The following NPHP1 variants were observed in gnomAD, a reference collection of about 807,000 sequenced individuals.
NPHP1 encodes the protein nephrocystin 1.
In NPHP1, 70 loss-of-function variants were observed where a neutral mutation model predicts 90.4. The ratio of observed to expected loss-of-function variants is 0.77; its 90% CI spans 0.64 to 0.95. The LOEUF (loss-of-function observed/expected upper bound fraction) is 0.95, where lower values mean the gene tolerates loss of function less well. NPHP1 is among the 40% of genes least tolerant of loss of function. NPHP1 has a pLI of 0.00. For missense variants in NPHP1, 764 were observed against 795.9 expected (o/e 0.96, Z 0.48); for synonymous variants, 256 against 271.7 (o/e 0.94, Z 0.57).
Position 110,193,154 on chromosome 2 carries a change from C to T in NPHP1, c.143+8267G>A, listed in dbSNP as rs946334315. Among the ~76,000 whole-genome samples, 51 of 152,156 alleles carry T rather than the reference C, an allele frequency of 3.4e-4. 1 individual carries two copies. The highest frequency in any genetic ancestry group is 7.1e-4 in the Non-Finnish European group (48 of 68,018). ...ATGACAGGATCAAATTCACACATGACAATATTAACCTTAAATGTAAATGGG... is the reference window on the plus strand; with the variant it reads ...ATGACAGGATCAAATTCACACATGATAATATTAACCTTAAATGTAAATGGG... On this transcript the variant is annotated intron_variant, in intron 2 of 19. Coordinates refer to ENST00000445609, the MANE Select transcript of NPHP1 (RefSeq NM_001128178.3).
intron 2 of NPHP1, among the ~76,000 whole-genome samples, chr2:110,197,090 G>A (rs530667028): frequency 6.6e-6 from 1 of 152,174 alleles, no homozygotes; most frequent in African/African-American, 2.4e-5. Flanking sequence ...GAGAACACAT[G>A]GACACAAGGA....
intron 15 of NPHP1, chr2:110,143,983 CCAAA>C (rs1288028765): frequency 2.6e-5 from 9 of 343,300 alleles, no homozygotes; most frequent in Non-Finnish European, 5.0e-5. Flanking sequence ...TCTTGAATCA[CCAAA>C]CAAATAGAGG....
intron 11 of NPHP1, among the ~76,000 whole-genome samples, chr2:110,154,257 TG>T (rs1559066501): frequency 6.6e-6 from 1 of 152,168 alleles, no homozygotes; most frequent in African/African-American, 2.4e-5. Context: ...ATTCACCTTC[TG>T]CCATGATTGT....
At chr2:110,179,401 G>A in intron 3 of NPHP1, among the ~76,000 whole-genome samples, 1 of 152,136 alleles carries the variant, frequency 6.6e-6, no homozygotes, top group South Asian at 2.1e-4. Flanking sequence ...AATAGCAGGT[G>A]AGTTCATCAA....
In NPHP1 at chr2:110,123,684, A is replaced by G. The variant is rs1238439952; in HGVS notation, c.*107T>C. On this transcript the variant is annotated 3_prime_UTR_variant, in exon 20 of 20. Transcript: ENST00000445609. Reference sequence around the variant, plus strand: ...TGGTCTGTAGAAAGAAAAGAGTAAAACCTAAGTTGTAAAGTGACAGTGATT... The same window carrying G: ...TGGTCTGTAGAAAGAAAAGAGTAAAGCCTAAGTTGTAAAGTGACAGTGATT... 12 of 1,109,284 alleles carry G rather than the reference A, an allele frequency of 1.1e-5. No individual in the cohort carries two copies. The highest frequency in any genetic ancestry group is 1.6e-5 in the Non-Finnish European group (12 of 736,322). 68.7% of individuals were successfully genotyped at this position (1,109,284 alleles called of 1,614,324 possible). A position where few individuals can be genotyped will look rare whatever the true frequency, so the allele number is the denominator to read the frequency against.
intron 17 of NPHP1, among the ~76,000 whole-genome samples, chr2:110,130,399 C>T (rs1291535919): frequency 6.6e-6 from 1 of 152,120 alleles, no homozygotes; most frequent in East Asian, 1.9e-4. Flanking sequence ...AACTAACAAG[C>T]CTTATCCTCT....
At chr2:110,185,436 G>A (rs768309162) in intron 2 of NPHP1, among the ~76,000 whole-genome samples, 6 of 152,166 alleles carry the variant, frequency 3.9e-5, no homozygotes, top group Non-Finnish European at 8.8e-5. Flanking sequence ...ACTGGCAGAG[G>A]CTGCACTCCC....
intron 2 of NPHP1, among the ~76,000 whole-genome samples, chr2:110,189,974 A>G (rs1360675508): frequency 2.0e-5 from 3 of 152,150 alleles, no homozygotes; most frequent in Admixed American, 1.3e-4. Context: ...AAGGTTCTCC[A>G]AGGCTCCACC....
intron 2 of NPHP1, among the ~76,000 whole-genome samples, chr2:110,197,891 A>G (rs1192768940): frequency 6.6e-6 from 1 of 152,154 alleles, no homozygotes. Context: ...ATAATGTACC[A>G]AGAAAATAAA....
At chr2:110,168,618 C>T in intron 5 of NPHP1, 65 bp from the exon 6 acceptor site, 2 of 1,036,394 alleles carry the variant, frequency 1.9e-6, no homozygotes, top group Non-Finnish European at 3.0e-6. Flanking sequence ...ATGTCAATAC[C>T]AATGATTCAA....
chr2:110,193,931 C>G (rs981629734), intron 2 of NPHP1, among the ~76,000 whole-genome samples: 2 of 152,016 alleles, frequency 1.3e-5, no homozygotes, highest in African/African-American at 4.8e-5. Flanking sequence ...GAAATGAAGG[C>G]AGAAATAAAG....
intron 7 of NPHP1, 126 bp downstream of exon 7, chr2:110,164,926 G>T: frequency 1.1e-6 from 1 of 892,302 alleles, no homozygotes; most frequent in Non-Finnish European, 1.8e-6. Flanking sequence ...GCAGACAATA[G>T]TATGAAAAGC....
chr2:110,151,730 G>A (rs541987824), intron 11 of NPHP1, among the ~76,000 whole-genome samples: 2 of 152,054 alleles, frequency 1.3e-5, no homozygotes, highest in Admixed American at 6.5e-5. Flanking sequence ...CTGGACTCTT[G>A]GAATACAAAC....
chr2:110,191,859 T>C (rs1348570371), intron 2 of NPHP1, among the ~76,000 whole-genome samples: 2 of 152,200 alleles, frequency 1.3e-5, no homozygotes, highest in South Asian at 2.1e-4. Context: ...CAATATTCGC[T>C]GTTCTGCAGC....
chr2:110,152,235 C>T (rs891855233), intron 11 of NPHP1, among the ~76,000 whole-genome samples: 1 of 151,946 alleles, frequency 6.6e-6, no homozygotes, highest in African/African-American at 2.4e-5. Context: ...AGGGAGATTG[C>T]TTGAGCTCAG....
At chr2:110,130,733 C>A (rs1436609059) in intron 17 of NPHP1, among the ~76,000 whole-genome samples, 6 of 152,156 alleles carry the variant, frequency 3.9e-5, no homozygotes, top group Admixed American at 3.9e-4. Context: ...GACATGCTGG[C>A]CCCTCTACCC....
intron 4 of NPHP1, among the ~76,000 whole-genome samples, chr2:110,175,621 G>A (rs1683452235): frequency 6.6e-6 from 1 of 151,958 alleles, no homozygotes; most frequent in South Asian, 2.1e-4. Context: ...TCCCTTGGCA[G>A]CTTTTAAGAT....
chr2:110,174,024 T>C (rs1683343539), intron 4 of NPHP1, among the ~76,000 whole-genome samples: 1 of 152,194 alleles, frequency 6.6e-6, no homozygotes, highest in African/African-American at 2.4e-5. Context: ...GATATTATTG[T>C]AACCGTATCA....
At position 110,146,848 on chromosome 2, in the gene NPHP1, A is replaced by G. The variant is rs2104492685; in HGVS notation, c.1270-13T>C. On this transcript the variant is annotated splice_polypyrimidine_tract_variant and intron_variant, in intron 13 of 19. Transcript: ENST00000445609. ...TTTCACCAGTTGACTAGGAAATAAG[A>G]CAAGTATATGAAACTTAAGGTCTGA... The G allele has an allele frequency of 6.3e-7, 1 of 1,599,284 alleles. No individual in the cohort carries two copies. Among genetic ancestry groups the G allele is most frequent in the East Asian group, 2.2e-5 (1 of 44,770 alleles).
Sources: gnomAD v4.1 joint callset for allele counts (sites outside exome capture counted in the v4.1 genomes callset) on GRCh38, gnomAD v4.1.1 for gene constraint, MANE v1.5 for transcripts, NCBI Gene and HGNC (gene_info 2026-07-23, HGNC 2026-07-21) for gene names.